DCDC1: variants seen among roughly 807,000 people sequenced by gnomAD.
DCDC1 encodes the protein doublecortin domain-containing protein 1.
A neutral mutation model predicts 178.3 loss-of-function variants in DCDC1; 200 were observed. That is an observed-to-expected ratio of 1.12 (90% CI 1.00 to 1.26). The LOEUF (loss-of-function observed/expected upper bound fraction) is 1.26, where lower values mean the gene tolerates loss of function less well. Among genes scored for constraint, DCDC1 ranks in the 50% most tolerant of loss-of-function variants. The pLI is 0.00. For missense variants in DCDC1, 1,983 were observed against 1,749.2 expected (o/e 1.13, Z -2.38); for synonymous variants, 690 against 604.8 (o/e 1.14, Z -2.07).
At chr11:30,919,711 G>T (rs1413514543) in intron 25 of DCDC1, among the ~76,000 whole-genome samples, 2 of 152,084 alleles carry the variant, frequency 1.3e-5, no homozygotes, top group Non-Finnish European at 2.9e-5. Flanking sequence ...AGGAAGTTTG[G>T]TTCCTAAAAT....
intron 8 of DCDC1, among the ~76,000 whole-genome samples, chr11:31,251,787 T>C (rs1424202723): frequency 6.6e-6 from 1 of 152,120 alleles, no homozygotes; most frequent in Non-Finnish European, 1.5e-5. Flanking sequence ...GGCAATAGCC[T>C]GCCAAGAGGA....
intron 36 of DCDC1, among the ~76,000 whole-genome samples, chr11:30,884,158 C>T (rs1026645331): frequency 6.6e-6 from 1 of 150,454 alleles, no homozygotes; most frequent in Non-Finnish European, 1.5e-5. Context: ...CTCAGTCTCC[C>T]GAGTATCTGG....
At chr11:30,995,767 CAA>C (rs907996883) in intron 20 of DCDC1, among the ~76,000 whole-genome samples, 1 of 151,874 alleles carries the variant, frequency 6.6e-6, no homozygotes, top group Non-Finnish European at 1.5e-5. Flanking sequence ...ATACCTTATA[CAA>C]AAAAAGTAAA....
At chr11:31,216,756 G>A (rs1973621985) in intron 9 of DCDC1, among the ~76,000 whole-genome samples, 1 of 152,100 alleles carries the variant, frequency 6.6e-6, no homozygotes, top group Non-Finnish European at 1.5e-5. Context: ...ACAAGACAGA[G>A]ATGGTCTGTG....
intron 2 of DCDC1, among the ~76,000 whole-genome samples, chr11:31,334,956 A>T (rs2133158278): frequency 6.6e-6 from 1 of 152,254 alleles, no homozygotes; most frequent in Non-Finnish European, 1.5e-5. Context: ...GGGGACGTTT[A>T]AGTCTGCAGA....
chr11:30,897,476 A>C (rs1285052597), intron 34 of DCDC1, among the ~76,000 whole-genome samples: 1 of 149,970 alleles, frequency 6.7e-6, no homozygotes, highest in Non-Finnish European at 1.5e-5. Flanking sequence ...CCAGCTACTC[A>C]GGAGGCTGAG....
At chr11:30,957,807 T>A (rs1331315049) in intron 20 of DCDC1, among the ~76,000 whole-genome samples, 1 of 152,170 alleles carries the variant, frequency 6.6e-6, no homozygotes, top group East Asian at 1.9e-4. Flanking sequence ...TGCAACGACA[T>A]CCTATATTGT....
chr11:31,085,086 G>A (rs1335810886), intron 17 of DCDC1, among the ~76,000 whole-genome samples: 1 of 151,332 alleles, frequency 6.6e-6, no homozygotes, highest in Non-Finnish European at 1.5e-5. Context: ...CATTGAGAAA[G>A]GCCTTCTCTC....
intron 7 of DCDC1, among the ~76,000 whole-genome samples, chr11:31,289,908 G>C (rs777268611): frequency 6.6e-6 from 1 of 151,874 alleles, no homozygotes; most frequent in African/African-American, 2.4e-5. Context: ...ATGTTTTACT[G>C]TCTCTCATAC....
chr11:31,082,561 A>T (rs146899636), intron 17 of DCDC1, among the ~76,000 whole-genome samples: 22 of 148,772 alleles, frequency 1.5e-4, no homozygotes, highest in Non-Finnish European at 8.9e-5. Context: ...AGCTATATCG[A>T]TATGTGATAT....
At chr11:31,006,830 T>C (rs1027739490) in intron 20 of DCDC1, among the ~76,000 whole-genome samples, 7 of 152,220 alleles carry the variant, frequency 4.6e-5, no homozygotes, top group Non-Finnish European at 1.5e-5. Flanking sequence ...TCTGAGATTA[T>C]TGTCTTTTAA....
intron 7 of DCDC1, among the ~76,000 whole-genome samples, chr11:31,273,927 T>A (rs1013009203): frequency 9.2e-5 from 14 of 152,120 alleles, no homozygotes; most frequent in African/African-American, 2.9e-4. Context: ...AAACTCCTCC[T>A]TATAAAACCA....
chr11:30,925,523 T>C, intron 22 of DCDC1, 115 bp from the exon 23 acceptor site: 1 of 871,326 alleles, frequency 1.1e-6, no homozygotes, highest in Non-Finnish European at 1.8e-6. Context: ...TCTGCAGGAC[T>C]GTTAGTCATG....
chr11:31,000,052 G>A (rs999208477), intron 20 of DCDC1, among the ~76,000 whole-genome samples: 6 of 152,082 alleles, frequency 3.9e-5, no homozygotes, highest in African/African-American at 1.2e-4. Flanking sequence ...AGGAGCAGTC[G>A]GGTCCATTGT....
chr11:31,085,578 T>G (rs1215666280), intron 17 of DCDC1, among the ~76,000 whole-genome samples: 1 of 152,202 alleles, frequency 6.6e-6, no homozygotes, highest in Non-Finnish European at 1.5e-5. Context: ...AAGAGTTTAT[T>G]CCTTTTTATT....
At chr11:31,012,545 C>T (rs750503613) in intron 20 of DCDC1, among the ~76,000 whole-genome samples, 6 of 149,364 alleles carry the variant, frequency 4.0e-5, no homozygotes, top group Admixed American at 6.7e-5. Flanking sequence ...GTTGAGCCTG[C>T]AGTAAGCTGT....
intron 20 of DCDC1, among the ~76,000 whole-genome samples, chr11:31,013,074 T>C (rs757181447): frequency 1.3e-5 from 2 of 152,214 alleles, no homozygotes; most frequent in Admixed American, 1.3e-4. Flanking sequence ...TGGTGTTCAT[T>C]ACAGTATTCT....
chr11:31,183,316 A>G (rs979436888), intron 9 of DCDC1, among the ~76,000 whole-genome samples: 9 of 152,238 alleles, frequency 5.9e-5, no homozygotes, highest in African/African-American at 2.4e-5. Flanking sequence ...ACCACGTGAC[A>G]CTTATTCTAA....
At chr11:31,205,195 T>G (rs1259746519) in intron 9 of DCDC1, among the ~76,000 whole-genome samples, 9 of 152,200 alleles carry the variant, frequency 5.9e-5, no homozygotes, top group Admixed American at 5.9e-4. Context: ...ACAGACTAAA[T>G]CCAGTCTGTT....
Sources: gnomAD v4.1 joint callset for allele counts (sites outside exome capture counted in the v4.1 genomes callset) on GRCh38, gnomAD v4.1.1 for gene constraint, MANE v1.5 for transcripts, NCBI Gene and HGNC (gene_info 2026-07-23, HGNC 2026-07-21) for gene names.